The following SLC24A4 variants were observed in gnomAD, a reference collection of about 807,000 sequenced individuals.
The protein encoded by SLC24A4 is sodium/potassium/calcium exchanger 4.
SLC24A4 carries 53 observed loss-of-function variants against 79.0 expected under a neutral mutation model. The ratio of observed to expected loss-of-function variants is 0.67; its 90% confidence interval spans 0.54 to 0.84. SLC24A4 has a LOEUF of 0.84. Ranked by LOEUF, SLC24A4 falls within the 40% of genes least tolerant of loss-of-function variation. SLC24A4 has a pLI of 0.00. For synonymous variants in SLC24A4, 323 were observed against 323.8 expected (o/e 1.00, Z 0.03); for missense variants, 731 against 822.0 (o/e 0.89, Z 1.35).
Position 92,323,866 on chromosome 14 carries a change from T to C in SLC24A4, c.36T>C (p.Val12=), listed in dbSNP as rs1884946610. The change falls in exon 1 of 17, where the codon GTT becomes GTC. Residue 12 remains valine (V), a synonymous_variant. Transcript: ENST00000532405. This position sits in a 1 kb window ranked among gnomAD's most constrained non-coding sequence, Gnocchi z 4.9. ...ALRGTLRPLK[V]RRRREMLPQQ... is the part of the protein sequence containing the mutation. ...GCGGGACCCTCCGGCCGCTCAAAGT[T>C]CGCAGGAGGCGAGAGATGCTGCCGC... 1 of 1,600,494 alleles carries C rather than the reference T, an allele frequency of 6.2e-7. No individual in the cohort carries two copies. Among genetic ancestry groups the C allele is most frequent in the Non-Finnish European group, 8.5e-7 (1 of 1,178,624 alleles).
chr14:92,424,906 T>C (rs1891487062), intron 2 of SLC24A4, among the ~76,000 whole-genome samples: 1 of 98,762 alleles, frequency 1.0e-5, no homozygotes, highest in Non-Finnish European at 2.3e-5. Flanking sequence ...AAAACCCAGC[T>C]CTTGCGGGAA....
intron 2 of SLC24A4, among the ~76,000 whole-genome samples, chr14:92,407,200 T>C (rs1396330520): frequency 1.3e-5 from 2 of 152,226 alleles, no homozygotes; most frequent in Non-Finnish European, 2.9e-5. Context: ...TGAATTTTAC[T>C]CCAGTTCCCA....
At chr14:92,393,545 CTT>C (rs5810597) in intron 2 of SLC24A4, among the ~76,000 whole-genome samples, 10,703 of 112,224 alleles carry the variant, frequency 0.095, 1,240 homozygotes, top group East Asian at 0.28. Context: ...AAGACACACT[CTT>C]TTTTTTTTTT....
intron 2 of SLC24A4, among the ~76,000 whole-genome samples, chr14:92,430,969 A>C (rs147850625): frequency 6.6e-6 from 1 of 152,216 alleles, no homozygotes; most frequent in Non-Finnish European, 1.5e-5. Flanking sequence ...CCGCCCTTGA[A>C]CATGGCCCAG....
chr14:92,447,541 C>T, intron 9 of SLC24A4, 117 bp downstream of exon 9: 1 of 994,076 alleles, frequency 1.0e-6, no homozygotes, highest in Non-Finnish European at 1.5e-6. Context: ...TAGGCCAGCC[C>T]CAGCTCTCTG....
rs1051271028 is a variant in SLC24A4, at chr14:92,323,852, C to G, written c.22C>G (p.Arg8Gly). The G allele has an allele frequency of 6.3e-7, 1 of 1,590,496 alleles. No homozygotes were observed. The highest frequency in any genetic ancestry group is 8.5e-7 in the Non-Finnish European group (1 of 1,175,054). Residue 8 changes from arginine (R) to glycine (G), a missense_variant, in exon 1 of 17, where the codon CGG becomes GGG. Arg to Gly is a moderately radical substitution (Grantham distance 125). Transcript: ENST00000532405. The surrounding 1 kb of genome is among the most constrained non-coding windows in gnomAD (Gnocchi z 4.9). Reference protein sequence around the residue: MALRGTLRPLKVRRRREM... With the variant: MALRGTLGPLKVRRRREM... ...CGGGATGGCGCTCCGCGGGACCCTCCGGCCGCTCAAAGTTCGCAGGAGGCG... is the reference window on the plus strand; with the variant it reads ...CGGGATGGCGCTCCGCGGGACCCTCGGGCCGCTCAAAGTTCGCAGGAGGCG...
At chr14:92,365,623 A>G (rs1205512493) in intron 2 of SLC24A4, among the ~76,000 whole-genome samples, 1 of 152,170 alleles carries the variant, frequency 6.6e-6, no homozygotes, top group East Asian at 1.9e-4. Context: ...GTTGGTGACA[A>G]CCAGCCAGGC....
At chr14:92,388,955 A>AAAAC (rs374184248) in intron 2 of SLC24A4, among the ~76,000 whole-genome samples, 5,991 of 151,990 alleles carry the variant, frequency 0.039, 367 homozygotes, top group African/African-American at 0.13. Context: ...GTTTGCTCTA[A>AAAAC]AAACAAACAA....
intron 2 of SLC24A4, among the ~76,000 whole-genome samples, chr14:92,407,994 T>G (rs1348897101): frequency 6.6e-6 from 1 of 151,840 alleles, no homozygotes. Context: ...GATGTTCATA[T>G]GGTTATATGT....
rs1895817963 is a variant in SLC24A4, at chr14:92,493,580, T to A, written c.1821T>A (p.Phe607Leu). 1 of 1,614,088 alleles carries A rather than the reference T, an allele frequency of 6.2e-7. No individual in the cohort carries two copies. Among genetic ancestry groups the A allele is most frequent in the South Asian group, 1.1e-5 (1 of 91,072 alleles). Residue 607 changes from phenylalanine (F) to leucine (L), a missense_variant, in exon 17 of 17, where the codon TTT becomes TTA. Coordinates refer to ENST00000532405, the MANE Select transcript of SLC24A4 (RefSeq NM_153646.4). ...IFLCFSIMIE[F>L]NVFTFVNLPM... ...TGTGCTTCTCCATAATGATAGAGTT[T>A]AACGTCTTTACCTTCGTCAACTTGC...
chr14:92,371,622 C>T (rs77234958), intron 2 of SLC24A4, among the ~76,000 whole-genome samples: 12,537 of 152,176 alleles, frequency 0.082, 635 homozygotes, highest in Non-Finnish European at 0.11. Context: ...ATTTTGCCAC[C>T]CCATTCGGGA....
chr14:92,457,010 A>G (rs1306291684), intron 12 of SLC24A4, among the ~76,000 whole-genome samples: 1 of 152,228 alleles, frequency 6.6e-6, no homozygotes, highest in African/African-American at 2.4e-5. Context: ...TTGCCTATGC[A>G]TCTCTTTATT....
intron 14 of SLC24A4, among the ~76,000 whole-genome samples, chr14:92,491,402 T>G (rs1462041418): frequency 1.3e-5 from 2 of 152,152 alleles, no homozygotes; most frequent in African/African-American, 4.8e-5. Context: ...AAAGACCCTA[T>G]CTCCAAATAA....
chr14:92,358,001 A>G (rs1045041234), intron 2 of SLC24A4, among the ~76,000 whole-genome samples: 1 of 152,190 alleles, frequency 6.6e-6, no homozygotes, highest in Admixed American at 6.5e-5. Flanking sequence ...GTCTGAGTGA[A>G]TGTTTGTTTT....
intron 2 of SLC24A4, among the ~76,000 whole-genome samples, chr14:92,391,631 C>T (rs1889466418): frequency 6.6e-6 from 1 of 152,232 alleles, no homozygotes; most frequent in South Asian, 2.1e-4. Context: ...GCCACTCCCC[C>T]ATTGAGTCCC....
intron 13 of SLC24A4, chr14:92,484,499 T>G (rs1895249919): frequency 2.0e-6 from 2 of 985,244 alleles, no homozygotes; most frequent in Admixed American, 6.2e-5. Flanking sequence ...TGGTACCGGC[T>G]TAGAGCTCTG....
At chr14:92,407,073 C>T (rs1321203171) in intron 2 of SLC24A4, among the ~76,000 whole-genome samples, 1 of 152,216 alleles carries the variant, frequency 6.6e-6, no homozygotes, top group East Asian at 1.9e-4. Flanking sequence ...GAACACTTTG[C>T]TCTTAGGACT....
chr14:92,476,533 A>T (rs1894776222), intron 12 of SLC24A4, among the ~76,000 whole-genome samples: 2 of 152,190 alleles, frequency 1.3e-5, no homozygotes, highest in South Asian at 2.1e-4. Flanking sequence ...AGCTAGTGCC[A>T]GTCTACTTTG....
chr14:92,443,520 C>A (rs764696543), intron 7 of SLC24A4, 46 bp downstream of exon 7: 5 of 1,591,068 alleles, frequency 3.1e-6, no homozygotes. Context: ...TGGGACCCTG[C>A]GAAGGCACAG....
Sources: allele counts gnomAD v4.1 joint callset (sites outside exome capture counted in the v4.1 genomes callset), GRCh38; gene constraint gnomAD v4.1.1; non-coding constraint Gnocchi (gnomAD v3.1); transcripts MANE v1.5; gene names NCBI Gene and HGNC (gene_info 2026-07-23, HGNC 2026-07-21).